GREB1: variants seen among roughly 807,000 people sequenced by gnomAD.
The protein encoded by GREB1 is growth regulating estrogen receptor binding 1.
A neutral mutation model predicts 200.7 loss-of-function variants in GREB1; 106 were observed. The ratio of observed to expected loss-of-function variants is 0.53; its 90% confidence interval spans 0.45 to 0.62. The LOEUF (loss-of-function observed/expected upper bound fraction) is 0.62. Ranked by LOEUF, GREB1 falls within the 20% of genes least tolerant of loss-of-function variation. The probability of loss-of-function intolerance (pLI) is 0.00; values close to 1 mark genes in which losing one functional copy is unlikely to be tolerated. For synonymous variants in GREB1, 1,132 were observed against 1,092.4 expected (o/e 1.04, Z -0.72); for missense variants, 2,243 against 2,556.8 (o/e 0.88, Z 2.65).
At chr2:11,551,542 G>A (rs1364760841) in intron 1 of GREB1, among the ~76,000 whole-genome samples, 1 of 152,192 alleles carries the variant, frequency 6.6e-6, no homozygotes, top group Non-Finnish European at 1.5e-5. Flanking sequence ...GTTTGTTTTT[G>A]TTATTCTATC....
chr2:11,618,982 G>A, intron 22 of GREB1, 63 bp downstream of exon 22: 1 of 1,392,658 alleles, frequency 7.2e-7, no homozygotes. Context: ...CTCCCATCTG[G>A]AGGGCAGGCC....
intron 32 of GREB1, among the ~76,000 whole-genome samples, chr2:11,639,713 A>G (rs1218312597): frequency 6.6e-6 from 1 of 152,204 alleles, no homozygotes; most frequent in African/African-American, 2.4e-5. Flanking sequence ...GGCCTTGGGA[A>G]AGATCAAGAG....
At chr2:11,495,552 C>A (rs775592476) in intron 1 of GREB1, among the ~76,000 whole-genome samples, 2 of 152,050 alleles carry the variant, frequency 1.3e-5, no homozygotes, top group African/African-American at 4.8e-5. Context: ...TGCACTGTTC[C>A]AAGCACTTCA....
chr2:11,575,150 C>A (rs1389560585), intron 4 of GREB1, among the ~76,000 whole-genome samples: 4 of 152,176 alleles, frequency 2.6e-5, no homozygotes, highest in Admixed American at 2.6e-4. Context: ...AGCCGGGTGG[C>A]CCTCACGGCC....
At chr2:11,488,039 G>T (rs796091345) in intron 1 of GREB1, among the ~76,000 whole-genome samples, 17 of 152,296 alleles carry the variant, frequency 1.1e-4, no homozygotes, top group African/African-American at 4.1e-4. Flanking sequence ...GTTGGCTTGG[G>T]TAACCTAAAA....
In GREB1 at chr2:11,585,751, G is replaced by T; in HGVS notation, c.1016-11G>T. ...TCTGATGTTTTCACTAATATTCTTG[G>T]GTGTTCCTAGAGAGCGCAGGCATGT... On this transcript the variant is annotated splice_polypyrimidine_tract_variant and intron_variant, in intron 8 of 32. Transcript: ENST00000381486. 1 of 1,612,468 alleles carries T rather than the reference G, an allele frequency of 6.2e-7. No homozygotes were observed. The highest frequency in any genetic ancestry group is 8.5e-7 in the Non-Finnish European group (1 of 1,179,944).
chr2:11,581,089 C>A, intron 7 of GREB1: 1 of 643,130 alleles, frequency 1.6e-6, no homozygotes, highest in Non-Finnish European at 2.9e-6. Context: ...GGCGAGTGAC[C>A]TGTCCTATGG....
intron 1 of GREB1, among the ~76,000 whole-genome samples, chr2:11,547,876 C>T (rs1675434465): frequency 6.6e-6 from 1 of 152,010 alleles, no homozygotes; most frequent in African/African-American, 2.4e-5. Flanking sequence ...TAGCTCTTTC[C>T]TTCTACCCCA....
intron 10 of GREB1, chr2:11,592,192 T>C (rs868673063): frequency 3.2e-5 from 18 of 562,740 alleles, no homozygotes; most frequent in Middle Eastern, 8.9e-4. Flanking sequence ...TTTTTCTTTT[T>C]TTTTTTTTTT....
At chr2:11,621,397 T>A (rs765825616) in intron 23 of GREB1, among the ~76,000 whole-genome samples, 5 of 152,198 alleles carry the variant, frequency 3.3e-5, no homozygotes, top group Non-Finnish European at 7.3e-5. Context: ...CTGCTGCCTC[T>A]GCAAAGCAGA....
In GREB1 at chr2:11,535,802, TC is replaced by T. The variant is rs1674266263; in HGVS notation, c.-162+1552del. ...CCCACTTACATGATTTGTTTTATCT[TC>T]CCCACTTCCTGACCGTGCCCACTAA... On this transcript the variant is annotated intron_variant, in intron 1 of 32. Transcript: ENST00000381486. 2.0e-5 allele frequency among the ~76,000 whole-genome samples: 3 copies of T among 152,284 alleles called. 1 individual carries two copies. The highest frequency in any genetic ancestry group is 7.2e-5 in the African/African-American group (3 of 41,552).
chr2:11,483,983 A>T (rs1245277124), intron 1 of GREB1, among the ~76,000 whole-genome samples: 1 of 152,342 alleles, frequency 6.6e-6, no homozygotes, highest in East Asian at 1.9e-4. Context: ...TAGCTTGAAT[A>T]AACACTCTTT....
chr2:11,520,867 A>G (rs1484898799), intron 1 of GREB1, among the ~76,000 whole-genome samples: 4 of 152,164 alleles, frequency 2.6e-5, no homozygotes, highest in Admixed American at 6.6e-5. Context: ...CCTGCTTTCC[A>G]TAGGTAGTTA....
chr2:11,592,460 G>A (rs1453132131), intron 10 of GREB1, among the ~76,000 whole-genome samples: 1 of 151,726 alleles, frequency 6.6e-6, no homozygotes, highest in Non-Finnish European at 1.5e-5. Flanking sequence ...TGGCCAAAGA[G>A]TGAGCAAGGA....
intron 24 of GREB1, among the ~76,000 whole-genome samples, chr2:11,625,843 A>G (rs1684404229): frequency 6.6e-6 from 1 of 152,142 alleles, no homozygotes; most frequent in Admixed American, 6.6e-5. Context: ...AGACTGGGTA[A>G]TTTATAAAGA....
chr2:11,584,406 A>G (rs763812264), intron 7 of GREB1, among the ~76,000 whole-genome samples: 25 of 152,254 alleles, frequency 1.6e-4, no homozygotes, highest in Non-Finnish European at 2.9e-4. Flanking sequence ...AGGCTGGGGC[A>G]GGGAGGGGAG....
intron 24 of GREB1, among the ~76,000 whole-genome samples, chr2:11,625,620 G>A (rs111639662): frequency 0.018 from 2,666 of 152,232 alleles, 75 homozygotes; most frequent in African/African-American, 0.06. Flanking sequence ...TATTAATTTG[G>A]AGTTATCAAA....
At chr2:11,632,692 C>T (rs1684982436) in intron 27 of GREB1, among the ~76,000 whole-genome samples, 197 bp from the exon 28 acceptor site, 1 of 152,180 alleles carries the variant, frequency 6.6e-6, no homozygotes, top group African/African-American at 2.4e-5. Context: ...AATTTGTGTT[C>T]CACCTGGAGA....
At chr2:11,500,123 AG>A (rs553359597) in intron 1 of GREB1, among the ~76,000 whole-genome samples, 96 of 152,268 alleles carry the variant, frequency 6.3e-4, no homozygotes, top group African/African-American at 2.3e-3. Flanking sequence ...CTGGGATTAC[AG>A]GCATGCACCA....
Sources: gnomAD v4.1 joint callset for allele counts (sites outside exome capture counted in the v4.1 genomes callset) on GRCh38, gnomAD v4.1.1 for gene constraint, MANE v1.5 for transcripts, NCBI Gene and HGNC (gene_info 2026-07-23, HGNC 2026-07-21) for gene names.